Variants in DAGLA observed in about 807,000 individuals in gnomAD.
The protein encoded by DAGLA is diacylglycerol lipase-alpha.
Under a neutral mutation model 102.6 loss-of-function variants are expected in DAGLA, and 22 were observed. The ratio of observed to expected loss-of-function variants is 0.21; its 90% CI spans 0.15 to 0.31. The LOEUF is 0.31. DAGLA is among the 10% of genes least tolerant of loss of function. The probability of loss-of-function intolerance (pLI) is 1.00; values close to 1 mark genes in which losing one functional copy is unlikely to be tolerated. For synonymous variants in DAGLA, 578 were observed against 628.9 expected (o/e 0.92, Z 1.21); for missense variants, 927 against 1,446.6 (o/e 0.64, Z 5.83).
At chr11:61,712,436 C>T (rs887074502) in intron 1 of DAGLA, among the ~76,000 whole-genome samples, 4 of 152,114 alleles carry the variant, frequency 2.6e-5, no homozygotes, top group Non-Finnish European at 4.4e-5. Flanking sequence ...AGACCCTGGG[C>T]GGCGGGTAGG....
intron 1 of DAGLA, among the ~76,000 whole-genome samples, chr11:61,703,680 T>TGGATGGAG: frequency 1.2e-5 from 1 of 81,540 alleles, no homozygotes; most frequent in South Asian, 4.1e-4. Context: ...GATGGAGGAA[T>TGGATGGAG]GGATGGATGG....
At chr11:61,709,823 A>G (rs2135569590) in intron 1 of DAGLA, among the ~76,000 whole-genome samples, 1 of 152,104 alleles carries the variant, frequency 6.6e-6, no homozygotes, top group South Asian at 2.1e-4. Context: ...TGCTTCCGAG[A>G]TGCCCGGGGT....
Position 61,706,974 on chromosome 11 carries a change from C to T in DAGLA, c.-44-13138C>T, listed in dbSNP as rs148334480. Among the ~76,000 whole-genome samples, 749 of 152,382 alleles carry T rather than the reference C, an allele frequency of 4.9e-3. 10 individuals carry two copies. The highest frequency in any genetic ancestry group is 0.017 in the African/African-American group (715 of 41,596). ...TCAGCTCCTTCACGGAAAGGTTCATCCCCTGGAGTTACAGCAGCTTCACTG... is the reference window on the plus strand; with the variant it reads ...TCAGCTCCTTCACGGAAAGGTTCATTCCCTGGAGTTACAGCAGCTTCACTG... On this transcript the variant is annotated intron_variant, in intron 1 of 19. Transcript: ENST00000257215.
Position 61,734,845 on chromosome 11 carries a change from C to G in DAGLA, c.975-4C>G, listed in dbSNP as rs773189205. 1 of 1,612,028 alleles carries G rather than the reference C, an allele frequency of 6.2e-7. No individual in the cohort carries two copies. The highest frequency in any genetic ancestry group is 1.7e-5 in the Admixed American group (1 of 59,978). On this transcript the variant is annotated splice_polypyrimidine_tract_variant and splice_region_variant and intron_variant, in intron 9 of 19. Coordinates refer to ENST00000257215, the MANE Select transcript of DAGLA (RefSeq NM_006133.3). This position sits in a 1 kb window ranked among gnomAD's most constrained non-coding sequence, Gnocchi z 4.2. ...CCCTGAACTCTCTTGTCACCCCACC[C>G]TAGGTGTTGCCTGTGTCCTGCGAGG... is the stretch of plus-strand genomic sequence containing the variant.
At chr11:61,690,732 C>T (rs2065016860) in intron 1 of DAGLA, among the ~76,000 whole-genome samples, 1 of 152,174 alleles carries the variant, frequency 6.6e-6, no homozygotes, top group Non-Finnish European at 1.5e-5. Context: ...AGGGTGTGCA[C>T]ATTCCCCTCA....
At position 61,735,561 on chromosome 11, in the gene DAGLA, GTCTATGAAACGCCCT is replaced by G; in HGVS notation, c.1134_1148del (p.Glu379_Tyr383del). On this transcript the variant is annotated inframe_deletion and splice_region_variant, in exon 11 of 20. Coordinates refer to ENST00000257215, the MANE Select transcript of DAGLA (RefSeq NM_006133.3). ...GGCTCACGAGCTGCCCGCCTCCTAG[GTCTATGAAACGCCCT>G]TCTACGTGGCGGTGGACCATGACAA... 6.2e-7 allele frequency: 1 copy of G among 1,613,944 alleles called. No individual in the cohort carries two copies. The highest frequency in any genetic ancestry group is 8.5e-7 in the Non-Finnish European group (1 of 1,179,874).
intron 1 of DAGLA, among the ~76,000 whole-genome samples, chr11:61,696,381 C>T (rs185302648): frequency 6.6e-6 from 1 of 152,254 alleles, no homozygotes; most frequent in Admixed American, 6.5e-5. Context: ...CCCAGTGGAC[C>T]TGACGCCCAG....
At chr11:61,699,822 C>G (rs2065094949) in intron 1 of DAGLA, among the ~76,000 whole-genome samples, 1 of 152,252 alleles carries the variant, frequency 6.6e-6, no homozygotes, top group Non-Finnish European at 1.5e-5. Flanking sequence ...AGCGGGCCCA[C>G]AGCATGGAGG....
Position 61,722,885 on chromosome 11 carries a change from G to T in DAGLA, c.334G>T (p.Ala112Ser). 6.2e-7 allele frequency: 1 copy of T among 1,614,126 alleles called. No homozygotes were observed. The highest frequency in any genetic ancestry group is 8.5e-7 in the Non-Finnish European group (1 of 1,180,002). The change falls in exon 4 of 20, where the codon GCC becomes TCC. Residue 112 changes from alanine to serine, a missense_variant. Ala to Ser is a moderately conservative substitution (Grantham distance 99). This residue lies in a region of DAGLA where 231 missense variants were observed against 439.8 expected (regional missense o/e 0.53). Transcript: ENST00000257215. ...CATCCTGGTGATCGAGTTCATCTACGCCATCGTGGGCATCGTCTGGCTCAC... is the reference window on the plus strand; with the variant it reads ...CATCCTGGTGATCGAGTTCATCTACTCCATCGTGGGCATCGTCTGGCTCAC... ...LAILVIEFIY[A>S]IVGIVWLTQY...
In DAGLA at chr11:61,735,524, C is replaced by T. The variant is rs764231125; in HGVS notation, c.1129-37C>T. 5.0e-6 allele frequency: 8 copies of T among 1,592,576 alleles called. No homozygotes were observed. The Admixed American group carries it at 6.7e-5, about 13-fold the overall frequency. On this transcript the variant is annotated intron_variant, in intron 10 of 19. Coordinates refer to ENST00000257215, the MANE Select transcript of DAGLA (RefSeq NM_006133.3). ...TCACTTTCCCTGAGTGTGGCCCCAC[C>T]AGGGCCGCTCAGGCTCACGAGCTGC...
chr11:61,735,532 C>A, intron 10 of DAGLA, 29 bp from the exon 11 acceptor site: 1 of 1,610,336 alleles, frequency 6.2e-7, no homozygotes, highest in Non-Finnish European at 8.5e-7. Flanking sequence ...ACCAGGGCCG[C>A]TCAGGCTCAC....
chr11:61,682,121 A>C (rs887852184), intron 1 of DAGLA, among the ~76,000 whole-genome samples: 14 of 152,166 alleles, frequency 9.2e-5, no homozygotes, highest in Non-Finnish European at 2.1e-4. Context: ...GCACTGTCCG[A>C]TGCCTTTGGA....
In DAGLA at chr11:61,740,607, G is replaced by A. The variant is rs376391493; in HGVS notation, c.1983+15G>A. ...GGCTCAACAAGGTGAGGCAGCTCCC[G>A]GCAGGGTACCACCAGGGAATAAGGC... On this transcript the variant is annotated intron_variant, in intron 18 of 19. Transcript: ENST00000257215. 3.5e-5 allele frequency: 57 copies of A among 1,611,938 alleles called. No homozygotes were observed. The highest frequency in any genetic ancestry group is 6.7e-5 in the East Asian group (3 of 44,852).
intron 9 of DAGLA, among the ~76,000 whole-genome samples, chr11:61,732,082 A>G (rs1383907151): frequency 1.3e-5 from 2 of 152,146 alleles, no homozygotes; most frequent in Non-Finnish European, 2.9e-5. Flanking sequence ...TGCATTCCTA[A>G]GTGGGCCAGA....
chr11:61,727,376 T>G (rs935555801), intron 6 of DAGLA, among the ~76,000 whole-genome samples: 1 of 152,194 alleles, frequency 6.6e-6, no homozygotes, highest in African/African-American at 2.4e-5. Flanking sequence ...CACTTACAAG[T>G]GCCAAACACT....
Position 61,743,969 on chromosome 11 carries a change from C to T in DAGLA, c.2609C>T (p.Pro870Leu). 4 of 1,611,916 alleles carry T rather than the reference C, an allele frequency of 2.5e-6. No individual in the cohort carries two copies. Among genetic ancestry groups the T allele is most frequent in the Non-Finnish European group, 3.4e-6 (4 of 1,179,684 alleles). The change falls in exon 20 of 20, where the codon CCC (proline) becomes CTC (leucine). Residue 870 changes from proline (P) to leucine (L), a missense_variant. Coordinates refer to ENST00000257215, the MANE Select transcript of DAGLA (RefSeq NM_006133.3). Reference protein sequence around the residue: ...LGSGGVTPERPPSAAANDEEE... With the variant: ...LGSGGVTPERLPSAAANDEEE... ...AGTGGCGGCGTCACTCCTGAGCGGC[C>T]CCCCAGTGCTGCGGCCAATGACGAG...
chr11:61,730,559 C>G (rs2065365075), intron 8 of DAGLA, among the ~76,000 whole-genome samples: 1 of 152,178 alleles, frequency 6.6e-6, no homozygotes, highest in South Asian at 2.1e-4. Context: ...CTCCCGGTGC[C>G]TGGGGCACTC....
chr11:61,716,001 C>T (rs966155558), intron 1 of DAGLA, among the ~76,000 whole-genome samples: 15 of 152,204 alleles, frequency 9.9e-5, no homozygotes, highest in Non-Finnish European at 2.2e-4. Flanking sequence ...GGAACCCAGC[C>T]TGACAGTCAG....
chr11:61,729,120 T>TGCCCGGTCTCCCCCC, intron 8 of DAGLA, 112 bp downstream of exon 8: 1 of 915,698 alleles, frequency 1.1e-6, no homozygotes, highest in East Asian at 2.5e-5. Flanking sequence ...ACATTGCCCC[T>TGCCCGGTCTCCCCCC]GCCCGGTCTC....
Sources: gnomAD v4.1 joint callset for allele counts (sites outside exome capture counted in the v4.1 genomes callset) on GRCh38, gnomAD v4.1.1 for gene constraint, gnomAD v4.1.1 regional missense constraint, Gnocchi (gnomAD v3.1) non-coding constraint, MANE v1.5 for transcripts, NCBI Gene and HGNC (gene_info 2026-07-23, HGNC 2026-07-21) for gene names.